SCRIB: variants seen among roughly 807,000 people sequenced by gnomAD.
SCRIB encodes protein scribble homolog.
SCRIB carries 72 observed loss-of-function variants against 170.0 expected under a neutral mutation model. That is an observed-to-expected ratio of 0.42 (90% CI 0.35 to 0.52). The LOEUF (loss-of-function observed/expected upper bound fraction) is 0.52, where lower values mean the gene tolerates loss of function less well. Ranked by LOEUF, SCRIB falls within the 20% of genes least tolerant of loss-of-function variation. SCRIB has a pLI of 0.02. For missense variants in SCRIB, 2,475 were observed against 2,338.5 expected (o/e 1.06, Z -1.20); for synonymous variants, 1,298 against 1,044.3 (o/e 1.24, Z -4.68).
chr8:143,813,175 T>G, intron 6 of SCRIB, 71 bp from the exon 7 acceptor site: 2 of 1,586,980 alleles, frequency 1.3e-6, no homozygotes. Context: ...CAAGAGACTA[T>G]ACGCCCCCAC....
Position 143,808,729 on chromosome 8 carries a change from T to C in SCRIB, c.1995A>G (p.Glu665=), listed in dbSNP as rs376928639. The C allele has an allele frequency of 6.3e-6, 10 of 1,595,228 alleles. No homozygotes were observed. The highest frequency in any genetic ancestry group is 3.4e-5 in the Admixed American group (2 of 58,412). Residue 665 remains glutamate, a synonymous_variant, in exon 15 of 37, where the codon GAA becomes GAG. Coordinates refer to ENST00000356994, the MANE Select transcript of SCRIB (RefSeq NM_182706.5). ...CCTCCTCCTCCTGAGGACTACCCTC[T>C]TCCTCCTCCTCCTCCTCCTTCTGGG... ...PRAQKEEEEE[E]EGSPQEEEEE...
intron 13 of SCRIB, 37 bp from the exon 14 acceptor site, chr8:143,809,755 C>G (rs1161962255): frequency 8.8e-6 from 14 of 1,590,480 alleles, no homozygotes; most frequent in Non-Finnish European, 1.1e-5. Context: ...CGACGGAGCT[C>G]CCGACTCACA....
intron 28 of SCRIB, 55 bp from the exon 29 acceptor site, chr8:143,793,138 G>A (rs1264604140): frequency 9.8e-7 from 1 of 1,019,376 alleles, no homozygotes; most frequent in Non-Finnish European, 1.4e-6. Context: ...GGCTGCAGCT[G>A]TGTGCAACTC....
intron 28 of SCRIB, chr8:143,793,365 G>A (rs4874099): frequency 0.3 from 110,424 of 369,382 alleles, 19,455 homozygotes; most frequent in East Asian, 0.55. Flanking sequence ...TGGGGGCGGC[G>A]GGGGCAGAGG....
In SCRIB at chr8:143,810,614, G is replaced by C; in HGVS notation, c.1405-10C>G. On this transcript the variant is annotated splice_polypyrimidine_tract_variant and intron_variant, in intron 12 of 36. Transcript: ENST00000356994. ...CCCGGCGCTGTAGGCCCTGTTGTAGGGACAAGGATGAGCAGCAGCCACAGG... is the reference window on the plus strand; with the variant it reads ...CCCGGCGCTGTAGGCCCTGTTGTAGCGACAAGGATGAGCAGCAGCCACAGG... 6.2e-7 allele frequency: 1 copy of C among 1,610,906 alleles called. No individual in the cohort carries two copies. The highest frequency in any genetic ancestry group is 8.5e-7 in the Non-Finnish European group (1 of 1,177,800).
At chr8:143,813,200 C>G (rs1035208011) in intron 6 of SCRIB, 96 bp from the exon 7 acceptor site, 1 of 1,586,668 alleles carries the variant, frequency 6.3e-7, no homozygotes, top group Middle Eastern at 1.9e-4. Flanking sequence ...AGCTCCCACC[C>G]GCCTGCCCTC....
At position 143,804,796 on chromosome 8, in the gene SCRIB, C is replaced by A. The variant is rs782260469; in HGVS notation, c.2781G>T (p.Arg927Ser). 1 of 1,597,410 alleles carries A rather than the reference C, an allele frequency of 6.3e-7. No homozygotes were observed. The highest frequency in any genetic ancestry group is 8.5e-7 in the Non-Finnish European group (1 of 1,175,980). Residue 927 changes from arginine (R) to serine (S), a missense_variant, in exon 21 of 37, where the codon AGG becomes AGT. Around this residue, in one of 3 missense-constraint regions of SCRIB, gnomAD observed 1,966 missense variants for 1,742.9 expected, o/e 1.13. Transcript: ENST00000356994. ...SINGVDVTEARHDHAVSLLTA... is the reference protein window; with the variant it reads ...SINGVDVTEASHDHAVSLLTA... ...TCAGCAGGGAGACGGCGTGGTCATG[C>A]CTGGCCTCAGTCACGTCCACTCCAT...
intron 35 of SCRIB, 92 bp downstream of exon 35, chr8:143,791,572 ACG>A: frequency 1.3e-6 from 2 of 1,528,246 alleles, no homozygotes; most frequent in Non-Finnish European, 1.8e-6. Flanking sequence ...AGGCAGGGCC[ACG>A]GCAGAGCGTG....
At chr8:143,803,972 G>T in intron 22 of SCRIB, 32 bp from the exon 23 acceptor site, 1 of 1,572,430 alleles carries the variant, frequency 6.4e-7, no homozygotes, top group Non-Finnish European at 8.6e-7. Flanking sequence ...GCTGGTGGCT[G>T]AGGCCGCGCT....
At position 143,791,881 on chromosome 8, in the gene SCRIB, G is replaced by A. The variant is rs782223068; in HGVS notation, c.4690C>T (p.Arg1564Cys). Residue 1564 changes from arginine to cysteine, a missense_variant, in exon 34 of 37, where the codon CGC (arginine) becomes TGC (cysteine). Arg to Cys is a radical substitution (Grantham distance 180, BLOSUM62 -3). Coordinates refer to ENST00000356994, the MANE Select transcript of SCRIB (RefSeq NM_182706.5). The part of the protein sequence containing the change: ...LGPQTSTSPG[R>C]LPLSGKKFDY... ...CATAGCCACCGGCTCCTCACCAGGCGTCCCGGGGAGGTGCTGGTCTGGGGG... is the reference window on the plus strand; with the variant it reads ...CATAGCCACCGGCTCCTCACCAGGCATCCCGGGGAGGTGCTGGTCTGGGGG... 3.3e-5 allele frequency: 51 copies of A among 1,526,406 alleles called. No individual in the cohort carries two copies. The highest frequency in any genetic ancestry group is 1.2e-4 in the East Asian group (5 of 43,252). The allele number at this position is 1,526,406 out of a possible 1,614,324, so 94.6% of individuals were successfully genotyped here.
chr8:143,812,728 G>C, intron 8 of SCRIB, 89 bp downstream of exon 8: 1 of 1,501,550 alleles, frequency 6.7e-7, no homozygotes, highest in South Asian at 1.2e-5. Context: ...CCTCCCCTGT[G>C]TTCCACACCA....
chr8:143,813,708 A>G lies in SCRIB; in HGVS notation c.375T>C (p.Thr125=), dbSNP rs373138215. 1 of 1,613,512 alleles carries G rather than the reference A, an allele frequency of 6.2e-7. No individual in the cohort carries two copies. The highest frequency in any genetic ancestry group is 8.5e-7 in the Non-Finnish European group (1 of 1,179,996). The change falls in exon 4 of 37, where the codon ACT becomes ACC. Residue 125 remains threonine, a synonymous_variant. Coordinates refer to ENST00000356994, the MANE Select transcript of SCRIB (RefSeq NM_182706.5). The part of the protein sequence containing the change: ...NPLSRLPDGF[T]QLRSLAHLAL... The stretch of plus-strand genomic sequence containing the variant: ...CCAGGTGAGCCAGGCTGCGCAGCTG[A>G]GTGAAGCCATCAGGGAGCCTGGATG...
chr8:143,800,259 AAACTC>A (rs1815120217), intron 24 of SCRIB, among the ~76,000 whole-genome samples: 2 of 152,184 alleles, frequency 1.3e-5, no homozygotes, highest in African/African-American at 2.4e-5. Context: ...GGACTTCAGA[AAACTC>A]AACACCCGCT....
At chr8:143,801,827 G>A (rs1474804278) in intron 24 of SCRIB, among the ~76,000 whole-genome samples, 1 of 152,222 alleles carries the variant, frequency 6.6e-6, no homozygotes. Flanking sequence ...AGGGTGTGGA[G>A]GTGGCTCTGT....
At position 143,815,630 on chromosome 8, in the gene SCRIB, G is replaced by GCGGCTCCGC. The variant is rs1816061440; in HGVS notation, c.-267_-259dup. 1.0e-6 allele frequency: 1 copy of GCGGCTCCGC among 982,554 alleles called. No individual in the cohort carries two copies. Among genetic ancestry groups the GCGGCTCCGC allele is most frequent in the African/African-American group, 1.8e-5 (1 of 56,928 alleles). The allele number at this position is 982,554 out of a possible 1,614,324, so 60.9% of individuals were successfully genotyped here. On this transcript the variant is annotated 5_prime_UTR_variant, in exon 1 of 37. Transcript: ENST00000356994. ...GGAAGCGCGGGGAGCGGCGGCGGCGGCGGCTCCGCATCCCGCTTGGTCCTG... is the reference window on the plus strand; with the variant it reads ...GGAAGCGCGGGGAGCGGCGGCGGCGGCGGCTCCGCCGGCTCCGCATCCCGCTTGGTCCTG...
intron 24 of SCRIB, among the ~76,000 whole-genome samples, chr8:143,801,437 C>G (rs1399685508): frequency 6.6e-6 from 1 of 152,186 alleles, no homozygotes; most frequent in Non-Finnish European, 1.5e-5. Context: ...TGTAATCTTG[C>G]AGTAGGGAAG....
At chr8:143,796,679 G>A (rs1447634187) in intron 24 of SCRIB, among the ~76,000 whole-genome samples, 2 of 152,230 alleles carry the variant, frequency 1.3e-5, no homozygotes, top group African/African-American at 2.4e-5. Context: ...CAGTTACACA[G>A]GCAGACTTAG....
chr8:143,813,475 C>T lies in SCRIB; in HGVS notation c.498G>A (p.Leu166=), dbSNP rs1815853661. Residue 166 remains leucine (L), a synonymous_variant, in exon 5 of 37, where the codon CTG becomes CTA. Transcript: ENST00000356994. The part of the protein sequence containing the change: ...LELRENLLKS[L]PASLSFLVKL... ...AGAATGCCTGTCACACTCACGCTGG[C>T]AGGGACTTGAGCAGGTTCTCCCGGA... 1.2e-6 allele frequency: 2 copies of T among 1,613,254 alleles called. No homozygotes were observed. Among genetic ancestry groups the T allele is most frequent in the Non-Finnish European group, 1.7e-6 (2 of 1,180,000 alleles).
intron 3 of SCRIB, 29 bp from the exon 4 acceptor site, chr8:143,813,755 A>G: frequency 1.2e-6 from 2 of 1,612,120 alleles, no homozygotes; most frequent in Non-Finnish European, 1.7e-6. Context: ...AGGCCCTCGG[A>G]TGACCAGTCC....
Sources: gnomAD v4.1 joint callset for allele counts (sites outside exome capture counted in the v4.1 genomes callset) on GRCh38, gnomAD v4.1.1 for gene constraint, gnomAD v4.1.1 regional missense constraint, MANE v1.5 for transcripts, NCBI Gene and HGNC (gene_info 2026-07-23, HGNC 2026-07-21) for gene names.